Variants in NRXN3 observed in about 807,000 individuals in gnomAD.
NRXN3 encodes neurexin 3, also known as neurexin III.
In NRXN3, 32 loss-of-function variants were observed where a neutral mutation model predicts 137.6. The ratio of observed to expected loss-of-function variants is 0.23; its 90% CI spans 0.18 to 0.31. The LOEUF (loss-of-function observed/expected upper bound fraction) is 0.31, where lower values mean the gene tolerates loss of function less well. NRXN3 is among the 10% of genes least tolerant of loss of function. NRXN3 has a pLI of 1.00. For missense variants in NRXN3, 1,574 were observed against 2,062.5 expected, an observed-to-expected ratio of 0.76 and a Z score of 4.59; for synonymous variants, 798 against 784.5, an observed-to-expected ratio of 1.02 and a Z score of -0.29.
chr14:78,993,092 G>T (rs749095808), intron 15 of NRXN3, among the ~76,000 whole-genome samples: 1 of 152,214 alleles, frequency 6.6e-6, no homozygotes, highest in African/African-American at 2.4e-5. Context: ...GCTGTGGATA[G>T]TGCAGATAGT....
At chr14:78,355,182 A>G (rs576548652) in intron 4 of NRXN3, among the ~76,000 whole-genome samples, 1 of 152,304 alleles carries the variant, frequency 6.6e-6, no homozygotes, top group Admixed American at 6.5e-5. Flanking sequence ...TTCACGTTAA[A>G]TCCACCTTTC....
chr14:79,624,695 T>C (rs1210731363), intron 16 of NRXN3, among the ~76,000 whole-genome samples: 1 of 152,062 alleles, frequency 6.6e-6, no homozygotes, highest in Non-Finnish European at 1.5e-5. Flanking sequence ...CTGCATCTGG[T>C]AACCAACTTT....
chr14:79,757,410 G>A (rs987121641), intron 19 of NRXN3, among the ~76,000 whole-genome samples: 9 of 152,150 alleles, frequency 5.9e-5, no homozygotes, highest in East Asian at 1.9e-4. Flanking sequence ...GAAGCAGGGC[G>A]TTGTCTAATC....
intron 4 of NRXN3, among the ~76,000 whole-genome samples, chr14:78,506,314 T>G (rs1173955601): frequency 6.6e-6 from 1 of 152,178 alleles, no homozygotes; most frequent in Non-Finnish European, 1.5e-5. Context: ...AAAAACTAAA[T>G]AATAGTCATG....
chr14:78,647,042 A>T (rs181794659), intron 5 of NRXN3, among the ~76,000 whole-genome samples: 1 of 152,318 alleles, frequency 6.6e-6, no homozygotes, highest in East Asian at 1.9e-4. Flanking sequence ...GAGCACAATC[A>T]GGTCATGATT....
intron 10 of NRXN3, among the ~76,000 whole-genome samples, chr14:78,912,990 A>G (rs1162565525): frequency 6.6e-6 from 1 of 152,066 alleles, no homozygotes; most frequent in Non-Finnish European, 1.5e-5. Flanking sequence ...AGCCCCTACT[A>G]TGCCCTAGAT....
At chr14:79,512,750 T>C (rs1028532765) in intron 16 of NRXN3, among the ~76,000 whole-genome samples, 1 of 152,214 alleles carries the variant, frequency 6.6e-6, no homozygotes, top group African/African-American at 2.4e-5. Context: ...GTCCCCAATC[T>C]TTCCATTCTT....
rs2098411882 is a variant in NRXN3 at position 78,712,082 on chromosome 14, CA to C, written c.1660+2428del. On this transcript the variant is annotated intron_variant, in intron 7 of 20. Transcript: ENST00000335750. ...TAAGTGCATTCAAAACTGTTATGGT[CA>C]CACATTCAGAGAACAGATTTTCCTC... is the stretch of plus-strand genomic sequence containing the variant. Among the ~76,000 whole-genome samples, 4 of 152,274 alleles carry C rather than the reference CA, an allele frequency of 2.6e-5. No homozygotes were observed. In the South Asian group the frequency reaches 8.3e-4, roughly 32 times the overall value.
At chr14:79,492,878 T>G (rs2096730677) in intron 16 of NRXN3, among the ~76,000 whole-genome samples, 1 of 152,222 alleles carries the variant, frequency 6.6e-6, no homozygotes, top group Admixed American at 6.5e-5. Context: ...ATCTCACCTG[T>G]TTCCTTCCAG....
chr14:79,398,842 T>A (rs933429673), intron 15 of NRXN3, among the ~76,000 whole-genome samples: 4 of 151,636 alleles, frequency 2.6e-5, no homozygotes, highest in Non-Finnish European at 5.9e-5. Context: ...AAACCCTGTC[T>A]CTACTAAAAA....
rs183726599 is a variant in NRXN3 at position 79,446,382 on chromosome 14, A to G, written c.3263-20839A>G. ...TGAAAGTCTTATCTCTGATGAAGAA[A>G]ACACTTTTTCTCTTCAAACAGTAAC... On this transcript the variant is annotated intron_variant, in intron 15 of 20. Transcript: ENST00000335750. 1.9e-3 allele frequency among the ~76,000 whole-genome samples: 290 copies of G among 152,278 alleles called. 1 individual carries two copies. The highest frequency in any genetic ancestry group is 6.2e-3 in the African/African-American group (259 of 41,548).
intron 15 of NRXN3, among the ~76,000 whole-genome samples, chr14:79,230,825 T>C (rs1271209637): frequency 2.0e-5 from 3 of 152,086 alleles, no homozygotes; most frequent in Non-Finnish European, 4.4e-5. Flanking sequence ...TGCTTGCTAG[T>C]AATGTGACCT....
At chr14:78,811,457 G>C (rs1252058173) in intron 10 of NRXN3, among the ~76,000 whole-genome samples, 1 of 152,084 alleles carries the variant, frequency 6.6e-6, no homozygotes, top group African/African-American at 2.4e-5. Flanking sequence ...ATCCATATTT[G>C]GTTTGCTAGA....
intron 16 of NRXN3, among the ~76,000 whole-genome samples, chr14:79,613,937 T>G (rs1178395810): frequency 1.3e-5 from 2 of 152,242 alleles, no homozygotes; most frequent in Admixed American, 6.5e-5. Context: ...CGAAATCACT[T>G]TTTTCTTCCA....
At position 79,454,929 on chromosome 14, in the gene NRXN3, T is replaced by C. The variant is rs2096237799; in HGVS notation, c.3263-12292T>C. On this transcript the variant is annotated intron_variant, in intron 15 of 20. Coordinates refer to ENST00000335750, the MANE Select transcript of NRXN3 (RefSeq NM_001330195.2). ...CTGAAATCATATTTTTCTTCTAATATACCATTGAAATGCTATTCAAAAAAT... is the reference window on the plus strand; with the variant it reads ...CTGAAATCATATTTTTCTTCTAATACACCATTGAAATGCTATTCAAAAAAT... 6.6e-5 allele frequency among the ~76,000 whole-genome samples: 10 copies of C among 152,348 alleles called. No individual in the cohort carries two copies. The South Asian group carries it at 1.9e-3, about 28-fold the overall frequency.
chr14:79,849,624 T>C (rs989409090), intron 20 of NRXN3, among the ~76,000 whole-genome samples: 2 of 152,102 alleles, frequency 1.3e-5, no homozygotes, highest in African/African-American at 4.8e-5. Context: ...GATGAGAGTG[T>C]GGAGAAAAGG....
chr14:79,285,635 C>A (rs974830806), intron 15 of NRXN3, among the ~76,000 whole-genome samples: 1 of 152,120 alleles, frequency 6.6e-6, no homozygotes, highest in African/African-American at 2.4e-5. Context: ...ATGCATGCAT[C>A]CCTGGTGTCT....
intron 4 of NRXN3, among the ~76,000 whole-genome samples, chr14:78,367,653 A>G (rs2086178797): frequency 6.6e-6 from 1 of 152,212 alleles, no homozygotes; most frequent in Admixed American, 6.5e-5. Flanking sequence ...GCCTTTGGGA[A>G]GGACTTTTTG....
At chr14:79,848,092 C>T (rs924056144) in intron 20 of NRXN3, among the ~76,000 whole-genome samples, 3 of 152,128 alleles carry the variant, frequency 2.0e-5, no homozygotes, top group Non-Finnish European at 4.4e-5. Flanking sequence ...AAAAATAGCA[C>T]ATCTTTCAAT....
Sources: gnomAD v4.1 joint callset for allele counts (sites outside exome capture counted in the v4.1 genomes callset) on GRCh38, gnomAD v4.1.1 for gene constraint, MANE v1.5 for transcripts, NCBI Gene and HGNC (gene_info 2026-07-23, HGNC 2026-07-21) for gene names.